Variants in RNLS observed in about 807,000 individuals in gnomAD.
RNLS encodes renalase, FAD dependent amine oxidase.
In RNLS, 39 loss-of-function variants were observed where a neutral mutation model predicts 39.8. That is an observed-to-expected ratio of 0.98 (90% CI 0.76 to 1.28). RNLS has a LOEUF of 1.28. Ranked by LOEUF, RNLS falls within the 50% of genes most tolerant of loss-of-function variation. The pLI, the probability that RNLS is intolerant of heterozygous loss-of-function variation, is 0.00. For missense variants in RNLS, 410 were observed against 413.3 expected (o/e 0.99, Z 0.07); for synonymous variants, 147 against 150.7 (o/e 0.98, Z 0.18).
chr10:88,327,451 C>T (rs1322948384), intron 5 of RNLS, among the ~76,000 whole-genome samples: 2 of 152,174 alleles, frequency 1.3e-5, no homozygotes, highest in African/African-American at 2.4e-5. Flanking sequence ...TCACTCCTCA[C>T]TCTTCTCTCT....
At chr10:88,241,080 G>A in the RNLS span, among the ~76,000 whole-genome samples, 2 of 150,510 alleles carry the variant, frequency 1.3e-5, no homozygotes, top group Non-Finnish European at 3.0e-5. Context: ...TTGCTTGCTA[G>A]CATTTATTTA....
chr10:88,490,853 CA>C (rs1844834258), intron 4 of RNLS, among the ~76,000 whole-genome samples: 1 of 152,112 alleles, frequency 6.6e-6, no homozygotes, highest in Admixed American at 6.6e-5. Flanking sequence ...TGGGGCATTT[CA>C]AAATCCTATC....
At chr10:88,244,854 T>C in the RNLS span, among the ~76,000 whole-genome samples, 2 of 152,034 alleles carry the variant, frequency 1.3e-5, no homozygotes, top group Non-Finnish European at 2.9e-5. Context: ...TTTGAGTAAA[T>C]GGAAGAAAGT....
At chr10:88,378,364 G>A (rs925074141) in intron 4 of RNLS, among the ~76,000 whole-genome samples, 4 of 152,130 alleles carry the variant, frequency 2.6e-5, no homozygotes, top group African/African-American at 9.7e-5. Context: ...TCTCTCTTAA[G>A]GCTGGCCATT....
intron 4 of RNLS, among the ~76,000 whole-genome samples, chr10:88,493,632 T>A (rs1261685679): frequency 6.6e-6 from 1 of 152,192 alleles, no homozygotes; most frequent in African/African-American, 2.4e-5. Flanking sequence ...TGTATTACAT[T>A]GTTGCAGGGA....
In RNLS at chr10:88,285,191, T is replaced by A. The variant is rs1843180641; in HGVS notation, c.*163A>T. The A allele has an allele frequency of 7.5e-7, 1 of 1,326,562 alleles. No homozygotes were observed. Among genetic ancestry groups the A allele is most frequent in the Admixed American group, 3.4e-5 (1 of 29,712 alleles). 82.2% of individuals were successfully genotyped at this position (1,326,562 alleles called of 1,614,324 possible). A position where few individuals can be genotyped will look rare whatever the true frequency, so the allele number is the denominator to read the frequency against. On this transcript the variant is annotated 3_prime_UTR_variant, in exon 7 of 7. Coordinates refer to ENST00000331772, the MANE Select transcript of RNLS (RefSeq NM_001031709.3). ...TCCATTCTAGCATGGGTTGTAACTATCAAAATTACAAAATTGATTTTATAC... is the reference window on the plus strand; with the variant it reads ...TCCATTCTAGCATGGGTTGTAACTAACAAAATTACAAAATTGATTTTATAC...
intron 5 of RNLS, among the ~76,000 whole-genome samples, chr10:88,341,682 C>T (rs1847969900): frequency 6.6e-6 from 1 of 152,008 alleles, no homozygotes; most frequent in Non-Finnish European, 1.5e-5. Context: ...CTCTACCATA[C>T]TTTAAAGGGT....
chr10:88,365,778 G>A (rs1850043082), intron 4 of RNLS, among the ~76,000 whole-genome samples: 1 of 151,688 alleles, frequency 6.6e-6, no homozygotes, highest in African/African-American at 2.4e-5. Context: ...AAGAGCAGAG[G>A]GAGAAAAAGA....
chr10:88,203,307 T>C, the RNLS span, among the ~76,000 whole-genome samples: 4 of 17,064 alleles, frequency 2.3e-4, no homozygotes, highest in African/African-American at 8.7e-4. Context: ...TATATATATA[T>C]ATATACGTAT....
At chr10:88,348,325 A>C (rs1191078100) in intron 5 of RNLS, among the ~76,000 whole-genome samples, 2 of 152,162 alleles carry the variant, frequency 1.3e-5, no homozygotes, top group Non-Finnish European at 2.9e-5. Context: ...TGATGGATAG[A>C]AACTATACTC....
chr10:88,207,394 A>C, the RNLS span, among the ~76,000 whole-genome samples: 1 of 152,164 alleles, frequency 6.6e-6, no homozygotes, highest in Non-Finnish European at 1.5e-5. Context: ...ACCAATCAAG[A>C]TATATGAATA....
the RNLS span, among the ~76,000 whole-genome samples, chr10:88,215,530 A>G: frequency 2.6e-5 from 4 of 152,018 alleles, no homozygotes; most frequent in South Asian, 2.1e-4. Flanking sequence ...TGATGGACCA[A>G]CTCTGGAGAG....
At chr10:88,572,439 C>T (rs1276211341) in intron 4 of RNLS, among the ~76,000 whole-genome samples, 1 of 152,146 alleles carries the variant, frequency 6.6e-6, no homozygotes, top group African/African-American at 2.4e-5. Flanking sequence ...ATTTACTCAT[C>T]CCCTCTCACC....
At chr10:88,493,729 T>C (rs901728755) in intron 4 of RNLS, among the ~76,000 whole-genome samples, 2 of 152,128 alleles carry the variant, frequency 1.3e-5, no homozygotes, top group African/African-American at 2.4e-5. Flanking sequence ...CTCTCTTTGC[T>C]TTTTCACTGT....
intron 4 of RNLS, among the ~76,000 whole-genome samples, chr10:88,467,573 C>T (rs979274741): frequency 6.6e-6 from 1 of 152,048 alleles, no homozygotes; most frequent in Admixed American, 6.6e-5. Flanking sequence ...AGCTTGTGAC[C>T]TAACTAAGAG....
At chr10:88,235,526 A>G in the RNLS span, among the ~76,000 whole-genome samples, 2 of 152,090 alleles carry the variant, frequency 1.3e-5, no homozygotes, top group Non-Finnish European at 2.9e-5. Context: ...AATGAATGGC[A>G]TTTTTCTGGA....
chr10:88,478,843 T>G lies in RNLS; in HGVS notation c.526+94060A>C, dbSNP rs74505032. On this transcript the variant is annotated intron_variant, in intron 4 of 6. Transcript: ENST00000331772. ...TAGCCTTAACTAATTTACCTTTTTT[T>G]CTTTTTCCTTCTTTCTTTCATTTCT... 9.8e-3 allele frequency among the ~76,000 whole-genome samples: 1,490 copies of G among 152,256 alleles called. 66 individuals carry two copies. In the East Asian group the frequency reaches 0.14, roughly 14 times the overall value.
At chr10:88,247,795 T>C in the RNLS span, among the ~76,000 whole-genome samples, 1 of 152,160 alleles carries the variant, frequency 6.6e-6, no homozygotes, top group Non-Finnish European at 1.5e-5. Flanking sequence ...ATCACAAGGA[T>C]CCTTTAAATG....
chr10:88,268,990 C>T (rs1481379641), downstream of RNLS, among the ~76,000 whole-genome samples: 1 of 152,188 alleles, frequency 6.6e-6, no homozygotes, highest in Admixed American at 6.5e-5. Context: ...AGGAAGCCTA[C>T]TCAAATAAAA....
Sources: gnomAD v4.1 joint callset for allele counts (sites outside exome capture counted in the v4.1 genomes callset) on GRCh38, gnomAD v4.1.1 for gene constraint, MANE v1.5 for transcripts, NCBI Gene and HGNC (gene_info 2026-07-23, HGNC 2026-07-21) for gene names.